REV3L: variants seen among roughly 807,000 people sequenced by gnomAD.
The protein encoded by REV3L is DNA polymerase zeta catalytic subunit.
A neutral mutation model predicts 299.4 loss-of-function variants in REV3L; 69 were observed. The observed-to-expected ratio is 0.23, with a 90% CI of 0.19 to 0.28. The LOEUF (loss-of-function observed/expected upper bound fraction) is 0.28. REV3L is among the 10% of genes least tolerant of loss of function. The pLI, the probability that REV3L is intolerant of heterozygous loss-of-function variation, is 1.00. For missense variants in REV3L, 3,128 were observed against 3,693.8 expected (o/e 0.85, Z 3.97); for synonymous variants, 1,238 against 1,271.4 (o/e 0.97, Z 0.56).
chr6:111,328,665 C>T (rs1412274386), intron 25 of REV3L, among the ~76,000 whole-genome samples: 5 of 152,050 alleles, frequency 3.3e-5, no homozygotes, highest in Admixed American at 2.0e-4. Flanking sequence ...TATATTTAGG[C>T]TTGGCATGAG....
intron 26 of REV3L, among the ~76,000 whole-genome samples, chr6:111,320,194 A>G (rs1017640694): frequency 3.9e-5 from 6 of 151,920 alleles, no homozygotes; most frequent in Admixed American, 2.0e-4. Context: ...TCAGCCTCCC[A>G]AGTAACTGGG....
intron 15 of REV3L, among the ~76,000 whole-genome samples, chr6:111,364,284 T>C (rs1001551713): frequency 6.7e-6 from 1 of 149,908 alleles, no homozygotes; most frequent in Non-Finnish European, 1.5e-5. Flanking sequence ...GACATTTATC[T>C]TGACCTTTCT....
intron 1 of REV3L, among the ~76,000 whole-genome samples, chr6:111,422,605 TATATATAC>T (rs1582929876): frequency 2.5e-4 from 5 of 19,818 alleles, no homozygotes; most frequent in East Asian, 1.7e-3. Flanking sequence ...CACATATATA[TATATATAC>T]ACATATATAT....
At chr6:111,388,899 C>T (rs547331663) in intron 7 of REV3L, among the ~76,000 whole-genome samples, 1 of 152,240 alleles carries the variant, frequency 6.6e-6, no homozygotes, top group South Asian at 2.1e-4. Flanking sequence ...AAAACGTCAA[C>T]TTCTTACAAA....
intron 4 of REV3L, among the ~76,000 whole-genome samples, chr6:111,401,284 A>C (rs75819068): frequency 0.11 from 16,348 of 152,234 alleles, 1,158 homozygotes; most frequent in Middle Eastern, 0.2. Context: ...AGATGGGAGA[A>C]ATTGGTGGAC....
intron 1 of REV3L, among the ~76,000 whole-genome samples, chr6:111,420,874 GCTCACGC>G (rs1785260392): frequency 6.6e-6 from 1 of 152,176 alleles, no homozygotes; most frequent in African/African-American, 2.4e-5. Flanking sequence ...GGGCATGGTG[GCTCACGC>G]CTGTAATCCC....
At chr6:111,398,342 T>C (rs180752739) in intron 4 of REV3L, among the ~76,000 whole-genome samples, 1,887 of 152,016 alleles carry the variant, frequency 0.012, 28 homozygotes, top group Non-Finnish European at 0.017. Context: ...AAAATGAGGA[T>C]GTTAAAAAAA....
intron 26 of REV3L, among the ~76,000 whole-genome samples, chr6:111,316,488 A>G (rs1197259666): frequency 6.6e-6 from 1 of 151,788 alleles, no homozygotes; most frequent in African/African-American, 2.4e-5. Flanking sequence ...ACATGGCAAA[A>G]TCCCGTCTCT....
chr6:111,431,009 T>C, intron 1 of REV3L: 1 of 1,564,454 alleles, frequency 6.4e-7, no homozygotes, highest in Non-Finnish European at 8.7e-7. Flanking sequence ...AAGAACAAAG[T>C]CACTCCAGTG....
intron 1 of REV3L, among the ~76,000 whole-genome samples, chr6:111,463,137 C>T (rs1259614316): frequency 6.6e-6 from 1 of 152,186 alleles, no homozygotes; most frequent in Non-Finnish European, 1.5e-5. Context: ...AGTTATCACA[C>T]TCAGGGAAGT....
chr6:111,482,625 G>A (rs1451685409), intron 1 of REV3L, 125 bp downstream of exon 1: 10 of 453,698 alleles, frequency 2.2e-5, no homozygotes, highest in South Asian at 9.8e-5. Context: ...GGAGGGGAGG[G>A]AAGACGCGGC....
At chr6:111,471,986 A>G (rs1371281784) in intron 1 of REV3L, 1 of 1,144,416 alleles carries the variant, frequency 8.7e-7, no homozygotes, top group African/African-American at 1.7e-5. Context: ...CTCACCCCCA[A>G]TATATTAACC....
intron 1 of REV3L, among the ~76,000 whole-genome samples, chr6:111,453,474 G>C (rs1434928250): frequency 2.0e-5 from 3 of 152,112 alleles, no homozygotes; most frequent in African/African-American, 4.8e-5. Context: ...AGGTTGTACT[G>C]TTCCCCAGTC....
intron 7 of REV3L, 57 bp downstream of exon 7, chr6:111,389,049 C>T: frequency 7.6e-7 from 1 of 1,316,620 alleles, no homozygotes; most frequent in African/African-American, 1.5e-5. Context: ...CAATGACAAA[C>T]TTTTCCATTA....
At chr6:111,423,971 T>C (rs1478104921) in intron 1 of REV3L, among the ~76,000 whole-genome samples, 7 of 152,172 alleles carry the variant, frequency 4.6e-5, no homozygotes, top group Admixed American at 1.3e-4. Context: ...CACATACAGA[T>C]ATGGAGCTTA....
intron 4 of REV3L, among the ~76,000 whole-genome samples, chr6:111,399,507 T>C (rs1782872027): frequency 6.6e-6 from 1 of 152,206 alleles, no homozygotes; most frequent in Non-Finnish European, 1.5e-5. Context: ...CAGGATCCAA[T>C]CTAGGACACC....
intron 2 of REV3L, among the ~76,000 whole-genome samples, chr6:111,412,819 T>A (rs530849526): frequency 1.3e-5 from 2 of 151,564 alleles, no homozygotes; most frequent in South Asian, 2.1e-4. Context: ...CCTCATCTCA[T>A]CCTTGCCTCT....
chr6:111,377,663 T>C (rs746836107), intron 12 of REV3L, 38 bp downstream of exon 12: 5 of 1,590,622 alleles, frequency 3.1e-6, no homozygotes, highest in East Asian at 2.3e-5. Flanking sequence ...TTTTAGATCG[T>C]GAATAACCAA....
intron 1 of REV3L, 97 bp downstream of exon 1, chr6:111,482,653 G>A: frequency 1.4e-6 from 1 of 734,522 alleles, no homozygotes; most frequent in Non-Finnish European, 1.7e-6. Context: ...CACGGAGACG[G>A]CCGGCGCCGG....
Sources: gnomAD v4.1 joint callset for allele counts (sites outside exome capture counted in the v4.1 genomes callset) on GRCh38, gnomAD v4.1.1 for gene constraint, MANE v1.5 for transcripts, NCBI Gene and HGNC (gene_info 2026-07-23, HGNC 2026-07-21) for gene names.